PEX19: variants seen among roughly 807,000 people sequenced by gnomAD.
PEX19 encodes peroxisomal biogenesis factor 19.
PEX19 carries 29 observed loss-of-function variants against 36.3 expected under a neutral mutation model. That is an observed-to-expected ratio of 0.80 (90% CI 0.60 to 1.09). The LOEUF (loss-of-function observed/expected upper bound fraction) is 1.09. Among genes scored for constraint, PEX19 ranks in the 50% least tolerant of loss-of-function variants. The probability of loss-of-function intolerance (pLI) is 0.00; values close to 1 mark genes in which losing one functional copy is unlikely to be tolerated. For synonymous variants in PEX19, 141 were observed against 135.2 expected (o/e 1.04, Z -0.30); for missense variants, 396 against 368.1 (o/e 1.08, Z -0.62).
At position 160,278,867 on chromosome 1, in the gene PEX19, A is replaced by G. The variant is rs770555143; in HGVS notation, c.*684T>C. The G allele has an allele frequency of 1.3e-5, 6 of 454,100 alleles. No homozygotes were observed. Among genetic ancestry groups the G allele is most frequent in the Admixed American group, 4.7e-5 (2 of 42,574 alleles). 28.1% of individuals were successfully genotyped at this position (454,100 alleles called of 1,614,324 possible). On this transcript the variant is annotated 3_prime_UTR_variant, in exon 8 of 8. Coordinates refer to ENST00000368072, the MANE Select transcript of PEX19 (RefSeq NM_002857.4). Reference sequence around the variant, plus strand: ...GGAAGGTCAGGGGCTGGGTTCACCCATATCACACAGCATTGTAGGAAGAAG... The same window carrying G: ...GGAAGGTCAGGGGCTGGGTTCACCCGTATCACACAGCATTGTAGGAAGAAG...
chr1:160,283,123 A>G lies in PEX19; in HGVS notation c.181-14T>C. 1 of 1,612,602 alleles carries G rather than the reference A, an allele frequency of 6.2e-7. No homozygotes were observed. On this transcript the variant is annotated splice_polypyrimidine_tract_variant and intron_variant, in intron 2 of 7. Transcript: ENST00000368072. ...GAAGAGGGCATCCTGCGGGGGAAGG[A>G]TGGCTGAAATGCGTCTCTTACTTAG...
intron 5 of PEX19, 145 bp from the exon 6 acceptor site, chr1:160,280,391 A>G (rs976128254): frequency 2.2e-5 from 17 of 756,084 alleles, no homozygotes; most frequent in Middle Eastern, 3.3e-4. Flanking sequence ...GAAAAGCGGC[A>G]CTGACTCCAA....
chr1:160,278,012 C>T lies in PEX19; in HGVS notation c.*1539G>A. 1.4e-6 allele frequency: 1 copy of T among 699,962 alleles called. No homozygotes were observed. The highest frequency in any genetic ancestry group is 2.6e-6 in the Non-Finnish European group (1 of 383,654). The allele number at this position is 699,962 out of a possible 1,614,324, so 43.4% of individuals were successfully genotyped here. ...TCTTCAAGGGGTGAAAAGTTTTAAC[C>T]TCGGGGCAAGTGACATGTCAGAAGC... On this transcript the variant is annotated 3_prime_UTR_variant, in exon 8 of 8. Transcript: ENST00000368072.
At chr1:160,280,879 G>C (rs1317340793) in intron 5 of PEX19, among the ~76,000 whole-genome samples, 2 of 152,008 alleles carry the variant, frequency 1.3e-5, no homozygotes, top group Admixed American at 1.3e-4. Flanking sequence ...ACCATTATTT[G>C]CTAGAGAGTT....
intron 2 of PEX19, 42 bp from the exon 3 acceptor site, chr1:160,283,151 C>T (rs1657851334): frequency 6.2e-7 from 1 of 1,605,364 alleles, no homozygotes; most frequent in Non-Finnish European, 8.5e-7. Flanking sequence ...TTACTTAGGA[C>T]TACACTGCAC....
At chr1:160,280,795 A>G (rs1343362099) in intron 5 of PEX19, among the ~76,000 whole-genome samples, 2 of 152,178 alleles carry the variant, frequency 1.3e-5, no homozygotes, top group African/African-American at 4.8e-5. Flanking sequence ...CTGGGACTAT[A>G]GGAGTGAGCC....
Position 160,277,152 on chromosome 1 carries a change from A to G in PEX19, c.*2399T>C, listed in dbSNP as rs1403012286. 1 of 454,752 alleles carries G rather than the reference A, an allele frequency of 2.2e-6. No individual in the cohort carries two copies. Among genetic ancestry groups the G allele is most frequent in the Admixed American group, 2.3e-5 (1 of 42,568 alleles). 28.2% of individuals were successfully genotyped at this position (454,752 alleles called of 1,614,324 possible). On this transcript the variant is annotated 3_prime_UTR_variant, in exon 8 of 8. Coordinates refer to ENST00000368072, the MANE Select transcript of PEX19 (RefSeq NM_002857.4). ...TCAGAGAGACCGAGGGCCCCAAAAC[A>G]GTGCTACTCAAAGATGATCTGCAGA...
In PEX19 at chr1:160,278,384, T is replaced by G. The variant is rs1224335218; in HGVS notation, c.*1167A>C. 4.4e-6 allele frequency: 3 copies of G among 674,588 alleles called. No homozygotes were observed. In the East Asian group the frequency reaches 8.6e-5, roughly 19 times the overall value. 41.8% of individuals were successfully genotyped at this position (674,588 alleles called of 1,614,324 possible). On this transcript the variant is annotated 3_prime_UTR_variant, in exon 8 of 8. Transcript: ENST00000368072. Reference sequence around the variant, plus strand: ...CTGAGTTGTGGAAGGTGGGTGTTGATGGAACCCAGCATTACAATATTGTGT... The same window carrying G: ...CTGAGTTGTGGAAGGTGGGTGTTGAGGGAACCCAGCATTACAATATTGTGT...
intron 3 of PEX19, 34 bp from the exon 4 acceptor site, chr1:160,282,536 G>A: frequency 6.4e-7 from 1 of 1,556,732 alleles, no homozygotes; most frequent in Non-Finnish European, 8.9e-7. Context: ...CGTCATTTAG[G>A]AGTTTGTTTC....
At chr1:160,283,725 AAT>A in intron 1 of PEX19, 86 bp from the exon 2 acceptor site, 2 of 1,104,374 alleles carry the variant, frequency 1.8e-6, no homozygotes, top group East Asian at 2.4e-5. Flanking sequence ...AAGCATTAGG[AAT>A]ATGATTTTTC....
intron 4 of PEX19, 71 bp downstream of exon 4, chr1:160,282,346 G>A: frequency 7.0e-7 from 1 of 1,433,330 alleles, no homozygotes; most frequent in Non-Finnish European, 9.8e-7. Context: ...CAAAGCATCT[G>A]TCTTTTGAGA....
chr1:160,282,222 T>G lies in PEX19; in HGVS notation c.433-22A>C, dbSNP rs766912987. On this transcript the variant is annotated intron_variant, in intron 4 of 7. Coordinates refer to ENST00000368072, the MANE Select transcript of PEX19 (RefSeq NM_002857.4). Reference sequence around the variant, plus strand: ...AGTTCTAGATAGGACAAGTAAGAGGTGAGCAGGTATACTACCTTCTTGGGA... The same window carrying G: ...AGTTCTAGATAGGACAAGTAAGAGGGGAGCAGGTATACTACCTTCTTGGGA... The G allele has an allele frequency of 3.7e-6, 6 of 1,613,442 alleles. No individual in the cohort carries two copies. The Admixed American group carries it at 6.7e-5, about 18-fold the overall frequency.
At chr1:160,282,877 G>A in intron 3 of PEX19, 67 bp downstream of exon 3, 2 of 1,514,002 alleles carry the variant, frequency 1.3e-6, no homozygotes, top group East Asian at 2.3e-5. Flanking sequence ...TAAGAATTCT[G>A]GTGTTTTCAG....
Position 160,285,084 on chromosome 1 carries a change from G to T in PEX19, c.41C>A (p.Ala14Glu). Residue 14 changes from alanine (A) to glutamate (E), a missense_variant, in exon 1 of 8, where the codon GCG becomes GAG. Transcript: ENST00000368072. ...AEEGCSVGAE[A>E]DRELEELLES... ...CAGAAGCTCCTCCAATTCCCTGTCC[G>T]CTTCGGCCCCGACACTACAGCCTTC... is the stretch of plus-strand genomic sequence containing the variant. The T allele has an allele frequency of 1.2e-6, 2 of 1,613,866 alleles. No individual in the cohort carries two copies. The highest frequency in any genetic ancestry group is 2.2e-5 in the South Asian group (2 of 91,080).
chr1:160,282,978 C>G lies in PEX19; in HGVS notation c.312G>C (p.Gln104His). Residue 104 changes from glutamine (Q) to histidine (H), a missense_variant, in exon 3 of 8, where the codon CAG becomes CAC. By Grantham distance (24) the Gln-to-His change is conservative. Coordinates refer to ENST00000368072, the MANE Select transcript of PEX19 (RefSeq NM_002857.4). ...LAEEEPHLVE[Q>H]FQKLSEAAGR... ...CTGCAGCCTCTGAGAGCTTTTGGAA[C>G]TGCTCCACCAGGTGGGGTTCTTCCT... 6.2e-7 allele frequency: 1 copy of G among 1,614,214 alleles called. No homozygotes were observed. Among genetic ancestry groups the G allele is most frequent in the Non-Finnish European group, 8.5e-7 (1 of 1,180,036 alleles).
At chr1:160,280,714 T>A (rs1657740297) in intron 5 of PEX19, among the ~76,000 whole-genome samples, 1 of 152,086 alleles carries the variant, frequency 6.6e-6, no homozygotes. Context: ...AGACAGGGTT[T>A]CATCATGTTG....
In PEX19 at chr1:160,283,113, C is replaced by G. The variant is rs747572423; in HGVS notation, c.181-4G>C. 15 of 1,613,048 alleles carry G rather than the reference C, an allele frequency of 9.3e-6. No individual in the cohort carries two copies. In the South Asian group the frequency reaches 1.3e-4, roughly 14 times the overall value. On this transcript the variant is annotated splice_polypyrimidine_tract_variant and splice_region_variant and intron_variant, in intron 2 of 7. Transcript: ENST00000368072. ...CTTGGGAAGCGAAGAGGGCATCCTG[C>G]GGGGGAAGGATGGCTGAAATGCGTC...
In PEX19 at chr1:160,276,873, A is replaced by G. The variant is rs1557851256; in HGVS notation, c.*2678T>C. 2 of 427,102 alleles carry G rather than the reference A, an allele frequency of 4.7e-6. No homozygotes were observed. Among genetic ancestry groups the G allele is most frequent in the Non-Finnish European group, 9.4e-6 (2 of 213,796 alleles). The allele number at this position is 427,102 out of a possible 1,614,324, so 26.5% of individuals were successfully genotyped here. ...CATGAAGCCACCCATACAATCACAA[A>G]TTTATCTAACACATTTAATTTTGGA... is the stretch of plus-strand genomic sequence containing the variant. On this transcript the variant is annotated 3_prime_UTR_variant, in exon 8 of 8. Coordinates refer to ENST00000368072, the MANE Select transcript of PEX19 (RefSeq NM_002857.4).
chr1:160,279,063 G>A lies in PEX19; in HGVS notation c.*488C>T, dbSNP rs1441338180. On this transcript the variant is annotated 3_prime_UTR_variant, in exon 8 of 8. Coordinates refer to ENST00000368072, the MANE Select transcript of PEX19 (RefSeq NM_002857.4). ...CTGAAGGCAAGAGAGCATAGTGACA[G>A]ACCTGTAGCCCCAGCCCAGGCTGTT... The A allele has an allele frequency of 4.4e-6, 2 of 454,668 alleles. No homozygotes were observed. Among genetic ancestry groups the A allele is most frequent in the Admixed American group, 2.3e-5 (1 of 42,586 alleles). The allele number at this position is 454,668 out of a possible 1,614,324, so 28.2% of individuals were successfully genotyped here.
Sources: gnomAD v4.1 joint callset for allele counts (sites outside exome capture counted in the v4.1 genomes callset) on GRCh38, gnomAD v4.1.1 for gene constraint, MANE v1.5 for transcripts, NCBI Gene and HGNC (gene_info 2026-07-23, HGNC 2026-07-21) for gene names.